Variants in SLCO3A1 observed in about 807,000 individuals in gnomAD.
SLCO3A1 encodes the protein PGE1 transporter.
In SLCO3A1, 27 loss-of-function variants were observed where a neutral mutation model predicts 63.1. The observed-to-expected ratio is 0.43, with a 90% CI of 0.32 to 0.59. The LOEUF is 0.59. Ranked by LOEUF, SLCO3A1 falls within the 20% of genes least tolerant of loss-of-function variation. SLCO3A1 has a pLI of 0.09. For synonymous variants in SLCO3A1, 473 were observed against 409.9 expected (o/e 1.15, Z -1.86); for missense variants, 773 against 945.8 (o/e 0.82, Z 2.40).
Position 91,988,339 on chromosome 15 carries a change from G to A in SLCO3A1, c.646+71881G>A, listed in dbSNP as rs944635058. On this transcript the variant is annotated intron_variant, in intron 2 of 9. Transcript: ENST00000318445. ...CTGGGTGACAGAGTGAGGCCCTGTC[G>A]CAATCAATCAATAAAGACATAGATG... is the stretch of plus-strand genomic sequence containing the variant. Among the ~76,000 whole-genome samples, 59 of 152,000 alleles carry A rather than the reference G, an allele frequency of 3.9e-4. 1 individual carries two copies. Among genetic ancestry groups the A allele is most frequent in the Non-Finnish European group, 6.5e-4 (44 of 67,962 alleles).
intron 2 of SLCO3A1, among the ~76,000 whole-genome samples, chr15:92,011,609 A>G (rs2151462646): frequency 6.6e-6 from 1 of 152,300 alleles, no homozygotes; most frequent in Admixed American, 6.5e-5. Context: ...TCTCTCTCTC[A>G]TTCCTTGCTT....
rs1898118819 is a variant in SLCO3A1 at position 91,900,294 on chromosome 15, C to T, written c.181-15699C>T. Among the ~76,000 whole-genome samples, 1 of 152,150 alleles carries T rather than the reference C, an allele frequency of 6.6e-6. No homozygotes were observed. The highest frequency in any genetic ancestry group is 1.5e-5 in the Non-Finnish European group (1 of 68,030). On this transcript the variant is annotated intron_variant, in intron 1 of 9. Coordinates refer to ENST00000318445, the MANE Select transcript of SLCO3A1 (RefSeq NM_013272.4). The surrounding 1 kb of genome is among the most constrained non-coding windows in gnomAD (Gnocchi z 4.3). ...CAGTATCTGAGTGTTCCAGTTTCCT[C>T]AGATGGACGTGAATACTTTGTATTG...
At chr15:92,037,422 ACT>A (rs1327367137) in intron 2 of SLCO3A1, among the ~76,000 whole-genome samples, 1 of 152,116 alleles carries the variant, frequency 6.6e-6, no homozygotes, top group East Asian at 1.9e-4. Context: ...CAGATCCCCG[ACT>A]CTAAATCTAG....
intron 2 of SLCO3A1, among the ~76,000 whole-genome samples, chr15:92,045,061 A>G (rs2046843695): frequency 6.6e-6 from 1 of 152,152 alleles, no homozygotes; most frequent in African/African-American, 2.4e-5. Flanking sequence ...CAGGCAGATC[A>G]TGAGGTCAGG....
At chr15:91,857,029 CGTGTG>C (rs1896937807) in intron 1 of SLCO3A1, among the ~76,000 whole-genome samples, 1 of 139,028 alleles carries the variant, frequency 7.2e-6, no homozygotes, top group Non-Finnish European at 1.6e-5. Context: ...AAGGAGGACT[CGTGTG>C]TGTGTGTGTG....
chr15:91,887,395 G>GC (rs200040577), intron 1 of SLCO3A1, among the ~76,000 whole-genome samples: 7,156 of 151,958 alleles, frequency 0.047, 304 homozygotes, highest in African/African-American at 0.099. Flanking sequence ...GCCCCTCTTT[G>GC]CTTGCCTGCC....
chr15:91,974,258 CATT>C (rs1555420133), intron 2 of SLCO3A1, among the ~76,000 whole-genome samples: 1 of 63,044 alleles, frequency 1.6e-5, no homozygotes, highest in Non-Finnish European at 3.5e-5. Context: ...ACACCATTTT[CATT>C]ATTGTTATTA....
intron 6 of SLCO3A1, among the ~76,000 whole-genome samples, chr15:92,126,665 G>C (rs1303497332): frequency 2.0e-5 from 3 of 152,154 alleles, no homozygotes; most frequent in East Asian, 3.9e-4. Flanking sequence ...GCAATTACAG[G>C]ATCTGGCCCA....
intron 4 of SLCO3A1, among the ~76,000 whole-genome samples, chr15:92,119,492 A>T (rs1385314694): frequency 1.3e-5 from 2 of 152,148 alleles, no homozygotes; most frequent in Admixed American, 1.3e-4. Flanking sequence ...TCTAGGGTAG[A>T]CTGGGTGATG....
At chr15:92,058,633 A>G (rs925699866) in intron 2 of SLCO3A1, among the ~76,000 whole-genome samples, 5 of 152,180 alleles carry the variant, frequency 3.3e-5, no homozygotes, top group Non-Finnish European at 5.9e-5. Context: ...CCACATCACC[A>G]TAGTCCCCAT....
At chr15:91,917,538 G>A (rs994556147) in intron 2 of SLCO3A1, among the ~76,000 whole-genome samples, 2 of 152,176 alleles carry the variant, frequency 1.3e-5, no homozygotes, top group Admixed American at 6.5e-5. Context: ...GATGTTGCAC[G>A]CGGATGTTCT....
chr15:92,115,815 C>CAA (rs765666191), intron 4 of SLCO3A1, among the ~76,000 whole-genome samples: 12,927 of 86,526 alleles, frequency 0.15, 1,387 homozygotes, highest in East Asian at 0.26. Flanking sequence ...TCTCTTCCCT[C>CAA]AAAAAAAAAA....
chr15:91,880,400 T>A (rs2151344680), intron 1 of SLCO3A1, among the ~76,000 whole-genome samples: 2 of 112,902 alleles, frequency 1.8e-5, no homozygotes, highest in African/African-American at 5.7e-5. Context: ...TCTCTCTCTC[T>A]CTCTCTCTCT....
chr15:92,162,840 C>T lies in SLCO3A1; in HGVS notation c.1838C>T (p.Ala613Val), dbSNP rs1266405507. ...AGCACGTTCTGTGGGGAGCAAGGCG[C>T]CTGCGTCCTCTACGACAATGTGGTC... ...FWSTFCGEQGACVLYDNVVYR... is the reference protein window; with the variant it reads ...FWSTFCGEQGVCVLYDNVVYR... Residue 613 changes from alanine to valine, a missense_variant, in exon 10 of 10, where the codon GCC becomes GTC. Around this residue, in one of 3 missense-constraint regions of SLCO3A1, gnomAD observed 139 missense variants for 131.4 expected, o/e 1.06. Coordinates refer to ENST00000318445, the MANE Select transcript of SLCO3A1 (RefSeq NM_013272.4). 1 of 1,614,218 alleles carries T rather than the reference C, an allele frequency of 6.2e-7. No individual in the cohort carries two copies. Among genetic ancestry groups the T allele is most frequent in the Admixed American group, 1.7e-5 (1 of 60,024 alleles).
At chr15:92,043,726 C>T (rs1260082108) in intron 2 of SLCO3A1, among the ~76,000 whole-genome samples, 2 of 152,222 alleles carry the variant, frequency 1.3e-5, no homozygotes, top group African/African-American at 4.8e-5. Context: ...CACATAATGA[C>T]AACCACTTTC....
At position 91,959,739 on chromosome 15, in the gene SLCO3A1, A is replaced by G. The variant is rs201497199; in HGVS notation, c.646+43281A>G. Among the ~76,000 whole-genome samples, 254 of 151,652 alleles carry G rather than the reference A, an allele frequency of 1.7e-3. 2 individuals carry two copies. Among genetic ancestry groups the G allele is most frequent in the East Asian group, 0.012 (61 of 5,134 alleles). Reference sequence around the variant, plus strand: ...ACTCCATCTCAAAAAAAAAAAAAAAAAAAAGAAAAGTATAAAAAATATACA... The same window carrying G: ...ACTCCATCTCAAAAAAAAAAAAAAAGAAAAGAAAAGTATAAAAAATATACA... On this transcript the variant is annotated intron_variant, in intron 2 of 9. Coordinates refer to ENST00000318445, the MANE Select transcript of SLCO3A1 (RefSeq NM_013272.4).
intron 2 of SLCO3A1, among the ~76,000 whole-genome samples, chr15:91,925,453 TTGTC>T (rs1416315007): frequency 1.3e-5 from 2 of 152,280 alleles, no homozygotes; most frequent in East Asian, 1.9e-4. Flanking sequence ...ATATTTGCTT[TTGTC>T]TGTCTGTCCA....
chr15:91,924,898 G>GTTTCTTCA (rs1898961744), intron 2 of SLCO3A1, among the ~76,000 whole-genome samples: 1 of 152,246 alleles, frequency 6.6e-6, no homozygotes, highest in Non-Finnish European at 1.5e-5. Flanking sequence ...TACTGTGTGT[G>GTTTCTTCA]CAAGAGCATC....
chr15:91,956,815 A>C (rs1268408711), intron 2 of SLCO3A1, among the ~76,000 whole-genome samples: 1 of 120,856 alleles, frequency 8.3e-6, no homozygotes, highest in African/African-American at 3.3e-5. Context: ...TTTGCGATGG[A>C]TTCTCGCTCT....
Sources: allele counts gnomAD v4.1 joint callset (sites outside exome capture counted in the v4.1 genomes callset), GRCh38; gene constraint gnomAD v4.1.1; regional missense constraint gnomAD v4.1.1; non-coding constraint Gnocchi (gnomAD v3.1); transcripts MANE v1.5; gene names NCBI Gene and HGNC (gene_info 2026-07-23, HGNC 2026-07-21).